Variants in CERT1 observed in about 807,000 individuals in gnomAD.
CERT1 encodes the protein ceramide transporter 1.
A neutral mutation model predicts 87.9 loss-of-function variants in CERT1; 31 were observed. That is an observed-to-expected ratio of 0.35 (90% CI 0.27 to 0.48). The LOEUF is 0.48. Among genes scored for constraint, CERT1 ranks in the 20% least tolerant of loss-of-function variants. The pLI, the probability that CERT1 is intolerant of heterozygous loss-of-function variation, is 0.99. For synonymous variants in CERT1, 289 were observed against 250.9 expected, an observed-to-expected ratio of 1.15 and a Z score of -1.44; for missense variants, 487 against 758.0, an observed-to-expected ratio of 0.64 and a Z score of 4.20.
chr5:75,374,431 G>A, downstream of CERT1: 1 of 587,028 alleles, frequency 1.7e-6, no homozygotes, highest in South Asian at 2.1e-5. Flanking sequence ...AAAAAAACGG[G>A]AACAGTCCTC....
At chr5:75,388,307 A>C (rs530846483) in intron 12 of CERT1, among the ~76,000 whole-genome samples, 1 of 152,110 alleles carries the variant, frequency 6.6e-6, no homozygotes, top group African/African-American at 2.4e-5. Flanking sequence ...ATCTAATATT[A>C]TATCTTATTT....
rs750918087 is a variant in CERT1 at position 75,381,941 on chromosome 5, G to A, written c.1617+8C>T. ...TTTAATTATACACATTTATATACAT[G>A]TACTTACAGGAGCACTGTCATGATC... On this transcript the variant is annotated splice_region_variant and intron_variant, in intron 15 of 16. Coordinates refer to ENST00000643780, the MANE Select transcript of CERT1 (RefSeq NM_001379029.1). 1.9e-6 allele frequency: 3 copies of A among 1,610,176 alleles called. No homozygotes were observed. The highest frequency in any genetic ancestry group is 2.5e-6 in the Non-Finnish European group (3 of 1,178,084).
intron 8 of CERT1, among the ~76,000 whole-genome samples, chr5:75,404,905 G>T (rs1377020228): frequency 6.6e-6 from 1 of 152,092 alleles, no homozygotes; most frequent in Non-Finnish European, 1.5e-5. Context: ...TACTCAGGAG[G>T]AGGAGGCACA....
Position 75,386,002 on chromosome 5 carries a change from A to T in CERT1, c.1317T>A (p.Ile439=), listed in dbSNP as rs764260078. The change falls in exon 13 of 17, where the codon ATT becomes ATA. Residue 439 remains isoleucine, a synonymous_variant. Transcript: ENST00000643780. ...GGGTAGCTTTTAAAGGATCCAGAAC[A>T]ATCCCATTTTCTTCTACTTCTCTTC... is the stretch of plus-strand genomic sequence containing the variant. ...VYRREVEENG[I]VLDPLKATHA... is the part of the protein sequence containing the mutation. The T allele has an allele frequency of 5.1e-6, 8 of 1,582,980 alleles. No homozygotes were observed. In the Admixed American group the frequency reaches 7.1e-5, roughly 14 times the overall value.
At chr5:75,474,575 A>T (rs939308225) in intron 2 of CERT1, among the ~76,000 whole-genome samples, 4 of 152,090 alleles carry the variant, frequency 2.6e-5, no homozygotes, top group African/African-American at 9.7e-5. Flanking sequence ...CTTACTAATA[A>T]TGAATTTAGC....
At chr5:75,468,024 T>C (rs185302824) in intron 2 of CERT1, among the ~76,000 whole-genome samples, 7 of 152,354 alleles carry the variant, frequency 4.6e-5, no homozygotes, top group Admixed American at 2.0e-4. Context: ...GCCCTTAGTG[T>C]TAGAATTACA....
intron 9 of CERT1, chr5:75,402,086 A>C (rs138434792): frequency 2.0e-4 from 30 of 152,358 alleles, no homozygotes; most frequent in African/African-American, 7.0e-4. Context: ...AAGCTAGTTA[A>C]TGGGTTTAAG....
chr5:75,480,315 C>T (rs574097569), intron 2 of CERT1, among the ~76,000 whole-genome samples: 31 of 152,296 alleles, frequency 2.0e-4, no homozygotes, highest in African/African-American at 7.0e-4. Context: ...AATACACCAT[C>T]GGTCAACTCT....
At chr5:75,509,433 C>T (rs1767809992) in intron 1 of CERT1, among the ~76,000 whole-genome samples, 1 of 152,094 alleles carries the variant, frequency 6.6e-6, no homozygotes, top group Non-Finnish European at 1.5e-5. Flanking sequence ...TAGCTTTGAG[C>T]AAGAATACCA....
intron 2 of CERT1, among the ~76,000 whole-genome samples, chr5:75,465,798 T>C (rs925916156): frequency 3.3e-5 from 5 of 152,184 alleles, no homozygotes; most frequent in Non-Finnish European, 5.9e-5. Flanking sequence ...CTTGATTCTC[T>C]GTATTGGTCC....
At chr5:75,416,287 TA>T (rs1429195367) in intron 7 of CERT1, among the ~76,000 whole-genome samples, 5 of 152,328 alleles carry the variant, frequency 3.3e-5, no homozygotes, top group African/African-American at 1.2e-4. Flanking sequence ...ACTATTATTC[TA>T]AAGCTGAATT....
intron 2 of CERT1, among the ~76,000 whole-genome samples, chr5:75,496,142 C>A (rs1408667575): frequency 6.6e-6 from 1 of 151,756 alleles, no homozygotes; most frequent in East Asian, 1.9e-4. Context: ...AACATTAAGA[C>A]AACAAACACA....
intron 2 of CERT1, among the ~76,000 whole-genome samples, chr5:75,488,443 T>C (rs895256195): frequency 4.6e-5 from 7 of 152,132 alleles, no homozygotes; most frequent in African/African-American, 1.4e-4. Context: ...TATATAGAAC[T>C]TGCAAATTTA....
chr5:75,425,484 G>C lies in CERT1; in HGVS notation c.472C>G (p.Arg158Gly). ...GTTTCCATTTCAGCCAACTTCTCAC[G>C]TAAACTGTGGCCTTTCTGCAAAACA... The part of the protein sequence containing the change: ...TSSFKKGHSL[R>G]EKLAEMETFR... Residue 158 changes from arginine to glycine, a missense_variant, in exon 5 of 17, where the codon CGT becomes GGT. Physicochemically the swap from Arg to Gly is moderately radical, Grantham distance 125 (BLOSUM62 -2). Coordinates refer to ENST00000643780, the MANE Select transcript of CERT1 (RefSeq NM_001379029.1). 1.2e-6 allele frequency: 2 copies of C among 1,612,154 alleles called. No individual in the cohort carries two copies.
intron 3 of CERT1, among the ~76,000 whole-genome samples, chr5:75,442,860 A>G (rs948355647): frequency 6.6e-6 from 1 of 152,206 alleles, no homozygotes; most frequent in African/African-American, 2.4e-5. Context: ...AGTATACGTT[A>G]TAATTATTCT....
chr5:75,372,579 A>C (rs1021723500), intron 17 of CERT1: 1 of 152,234 alleles, frequency 6.6e-6, no homozygotes, highest in African/African-American at 2.4e-5. Context: ...GTAAATTAAA[A>C]AATAGAAAAG....
intron 2 of CERT1, among the ~76,000 whole-genome samples, chr5:75,500,571 G>C (rs1315814395): frequency 6.6e-6 from 1 of 151,460 alleles, no homozygotes; most frequent in Non-Finnish European, 1.5e-5. Flanking sequence ...ATAAATCTTA[G>C]CAGATCGAAG....
chr5:75,457,879 G>C (rs572154101), intron 3 of CERT1, among the ~76,000 whole-genome samples: 6 of 149,560 alleles, frequency 4.0e-5, no homozygotes, highest in African/African-American at 1.2e-4. Flanking sequence ...AGCCAGACTG[G>C]TTTTTCTTGG....
chr5:75,399,693 C>T (rs564024041), intron 10 of CERT1, among the ~76,000 whole-genome samples: 3 of 152,188 alleles, frequency 2.0e-5, no homozygotes, highest in South Asian at 2.1e-4. Context: ...ATTTGCCCAC[C>T]CCCAACTTTC....
Sources: allele counts gnomAD v4.1 joint callset (sites outside exome capture counted in the v4.1 genomes callset), GRCh38; gene constraint gnomAD v4.1.1; transcripts MANE v1.5; gene names NCBI Gene and HGNC (gene_info 2026-07-23, HGNC 2026-07-21).